Variants in ZNF536 observed in about 807,000 individuals in gnomAD.
ZNF536 encodes zinc finger protein 536.
In ZNF536, 13 loss-of-function variants were observed where a neutral mutation model predicts 84.5. The observed-to-expected ratio is 0.15, with a 90% CI of 0.10 to 0.24. The LOEUF (loss-of-function observed/expected upper bound fraction) is 0.24. ZNF536 is among the 10% of genes least tolerant of loss of function. The pLI, the probability that ZNF536 is intolerant of heterozygous loss-of-function variation, is 1.00. For missense variants in ZNF536, 1,536 were observed against 1,747.5 expected (o/e 0.88, Z 2.16); for synonymous variants, 811 against 742.5 (o/e 1.09, Z -1.50).
chr19:30,510,048 A>T (rs1599637099), intron 2 of ZNF536, among the ~76,000 whole-genome samples: 1 of 152,324 alleles, frequency 6.6e-6, no homozygotes, highest in Non-Finnish European at 1.5e-5. Flanking sequence ...GGGAAATTAG[A>T]AGTGGAAGTT....
intron 2 of ZNF536, among the ~76,000 whole-genome samples, chr19:30,532,841 A>C (rs1467811991): frequency 1.3e-5 from 2 of 152,160 alleles, no homozygotes; most frequent in Non-Finnish European, 2.9e-5. Flanking sequence ...CACTGTGACC[A>C]TATGTAGAGC....
intron 2 of ZNF536, among the ~76,000 whole-genome samples, chr19:30,350,672 G>A (rs1210837416): frequency 1.3e-5 from 2 of 152,320 alleles, no homozygotes; most frequent in South Asian, 2.1e-4. Flanking sequence ...GGAATTGATT[G>A]TTGTGGCAGG....
intron 1 of ZNF536, among the ~76,000 whole-genome samples, chr19:30,675,241 T>C: frequency 6.6e-6 from 1 of 152,196 alleles, no homozygotes; most frequent in East Asian, 1.9e-4. Context: ...TAGCAACCAC[T>C]CGTCTCTGTT....
chr19:30,614,078 G>C (rs1379629109), intron 1 of ZNF536, among the ~76,000 whole-genome samples: 1 of 152,178 alleles, frequency 6.6e-6, no homozygotes, highest in Admixed American at 6.5e-5. Flanking sequence ...GGCCAGGCTA[G>C]TCTCGAACTC....
chr19:30,226,348 A>G (rs1202997921), upstream of ZNF536, among the ~76,000 whole-genome samples: 1 of 151,432 alleles, frequency 6.6e-6, no homozygotes, highest in Non-Finnish European at 1.5e-5. This position sits in a 1 kb window ranked among gnomAD's most constrained non-coding sequence, Gnocchi z 4.6. Context: ...GTCCGCGCTC[A>G]CTGCGGGGTT....
At chr19:30,384,234 T>C (rs867330492) in intron 1 of ZNF536, among the ~76,000 whole-genome samples, 9 of 44,068 alleles carry the variant, frequency 2.0e-4, no homozygotes, top group African/African-American at 8.0e-4. Flanking sequence ...CTCCCTCCCT[T>C]CCTTCTTTCC....
At chr19:30,323,225 C>T (rs985640452) in intron 2 of ZNF536, among the ~76,000 whole-genome samples, 17 of 152,286 alleles carry the variant, frequency 1.1e-4, no homozygotes, top group African/African-American at 2.6e-4. Context: ...GGCAAACTCT[C>T]GGCTCCACTC....
At chr19:30,367,057 G>T (rs1346454006) in intron 3 of ZNF536, among the ~76,000 whole-genome samples, 2 of 152,212 alleles carry the variant, frequency 1.3e-5, no homozygotes, top group Non-Finnish European at 1.5e-5. Context: ...TGCAATAAAA[G>T]GATGACACTT....
At chr19:30,712,153 G>A (rs1367925384) in exon 2 of ZNF536, 2 of 152,016 alleles carry the variant, frequency 1.3e-5, no homozygotes, top group African/African-American at 4.8e-5. Context: ...CTATATTTTT[G>A]TAGATTTTAG....
At chr19:30,451,966 A>C (rs985809870) in intron 2 of ZNF536, among the ~76,000 whole-genome samples, 2 of 152,272 alleles carry the variant, frequency 1.3e-5, no homozygotes, top group Admixed American at 1.3e-4. Context: ...CAGAGCTTGA[A>C]GCATTAGCTG....
intron 1 of ZNF536, among the ~76,000 whole-genome samples, chr19:30,407,674 C>T (rs1295521910): frequency 1.3e-5 from 2 of 152,240 alleles, no homozygotes; most frequent in Admixed American, 6.5e-5. Flanking sequence ...GCTGTCTCTC[C>T]TTTCAGGCCC....
chr19:30,339,376 G>A (rs764611215), intron 2 of ZNF536, among the ~76,000 whole-genome samples: 1 of 152,234 alleles, frequency 6.6e-6, no homozygotes, highest in Non-Finnish European at 1.5e-5. Context: ...TTCTAGGGCT[G>A]TGGAGCAGCC....
intron 2 of ZNF536, among the ~76,000 whole-genome samples, chr19:30,459,952 A>C (rs8110123): frequency 0.064 from 9,814 of 152,196 alleles, 1,098 homozygotes; most frequent in African/African-American, 0.22. Context: ...ACAGAGGAGC[A>C]GTGAGATTCA....
intron 1 of ZNF536, among the ~76,000 whole-genome samples, chr19:30,273,283 G>C (rs1189179385): frequency 6.6e-6 from 1 of 152,128 alleles, no homozygotes; most frequent in Non-Finnish European, 1.5e-5. Context: ...ATGATTGCTG[G>C]ATTGCTTGAT....
chr19:30,673,567 A>T (rs548146358), intron 1 of ZNF536, among the ~76,000 whole-genome samples: 3 of 152,294 alleles, frequency 2.0e-5, no homozygotes, highest in African/African-American at 7.2e-5. Flanking sequence ...ACCCAGGCAC[A>T]TCTTAAATAA....
intron 1 of ZNF536, among the ~76,000 whole-genome samples, chr19:30,597,235 G>A (rs1172024875): frequency 6.6e-6 from 1 of 152,138 alleles, no homozygotes; most frequent in Non-Finnish European, 1.5e-5. Context: ...CTGCTATTTA[G>A]GTCTAGTCTA....
chr19:30,285,003 AC>A (rs1357365431), intron 2 of ZNF536, among the ~76,000 whole-genome samples: 1 of 152,128 alleles, frequency 6.6e-6, no homozygotes, highest in Non-Finnish European at 1.5e-5. Flanking sequence ...TTTTATTCTT[AC>A]CTTCTTAGTA....
chr19:30,440,578 G>A (rs957588578), intron 1 of ZNF536, among the ~76,000 whole-genome samples: 3 of 152,144 alleles, frequency 2.0e-5, no homozygotes, highest in African/African-American at 4.8e-5. Flanking sequence ...CTGCCTTCAC[G>A]GGAATGAAGT....
intron 2 of ZNF536, among the ~76,000 whole-genome samples, chr19:30,530,652 C>G (rs1258551371): frequency 6.6e-6 from 1 of 152,154 alleles, no homozygotes; most frequent in Non-Finnish European, 1.5e-5. Flanking sequence ...CAGCCAATAC[C>G]TCTGTCTTTC....
Sources: allele counts gnomAD v4.1 joint callset (sites outside exome capture counted in the v4.1 genomes callset), GRCh38; gene constraint gnomAD v4.1.1; non-coding constraint Gnocchi (gnomAD v3.1); transcripts MANE v1.5; gene names NCBI Gene and HGNC (gene_info 2026-07-23, HGNC 2026-07-21).